PIGL: variants seen among roughly 807,000 people sequenced by gnomAD.
The protein encoded by PIGL is N-acetylglucosaminyl-phosphatidylinositol de-N-acetylase.
PIGL carries 22 observed loss-of-function variants against 31.1 expected under a neutral mutation model. The ratio of observed to expected loss-of-function variants is 0.71; its 90% CI spans 0.51 to 1.01. PIGL has a LOEUF of 1.01. Ranked by LOEUF, PIGL falls within the 50% of genes least tolerant of loss-of-function variation. PIGL has a pLI of 0.00. For synonymous variants in PIGL, 131 were observed against 117.4 expected (o/e 1.12, Z -0.75); for missense variants, 302 against 315.9 (o/e 0.96, Z 0.33).
rs71150288 is a variant in PIGL, at chr17:16,308,792, C to CTTT, written c.427-4739_427-4737dup. Reference sequence around the variant, plus strand: ...ATTTAAAAAAGCCACTGCATCCAGGCTTTTTTTTTTTTTTTTTTCGAGACA... The same window carrying CTTT: ...ATTTAAAAAAGCCACTGCATCCAGGCTTTTTTTTTTTTTTTTTTTTTCGAGACA... On this transcript the variant is annotated intron_variant, in intron 3 of 6. Transcript: ENST00000225609. 3.8e-4 allele frequency among the ~76,000 whole-genome samples: 44 copies of CTTT among 114,408 alleles called. 1 individual carries two copies. Among genetic ancestry groups the CTTT allele is most frequent in the South Asian group, 8.9e-4 (3 of 3,356 alleles). 75.1% of individuals were successfully genotyped at this position (114,408 alleles called of 152,430 possible).
intron 2 of PIGL, among the ~76,000 whole-genome samples, chr17:16,293,307 G>A (rs567048078): frequency 3.3e-5 from 5 of 152,298 alleles, no homozygotes; most frequent in Middle Eastern, 3.4e-3. Context: ...GGTGGATCAC[G>A]AGGTCAGGAG....
chr17:16,260,192 C>A (rs1037273967), intron 2 of PIGL, among the ~76,000 whole-genome samples: 5 of 152,136 alleles, frequency 3.3e-5, no homozygotes, highest in South Asian at 2.1e-4. Flanking sequence ...GCCATGGACA[C>A]TTGGATGGCA....
rs150000731 is a variant in PIGL, at chr17:16,217,230, G to A, written c.4G>A (p.Glu2Lys). The change falls in exon 1 of 7, where the codon GAA becomes AAA. Residue 2 changes from glutamate (E) to lysine (K), a missense_variant. By Grantham distance (56) the Glu-to-Lys change is moderately conservative. Coordinates refer to ENST00000225609, the MANE Select transcript of PIGL (RefSeq NM_004278.4). ...GGCTCAGTGCTGCTTACCCATCATGGAAGCAATGTGGCTCCTGTGTGTGGC... is the reference window on the plus strand; with the variant it reads ...GGCTCAGTGCTGCTTACCCATCATGAAAGCAATGTGGCTCCTGTGTGTGGC... M[E>K]AMWLLCVALA... 1.1e-5 allele frequency: 18 copies of A among 1,613,750 alleles called. No homozygotes were observed. The African/African-American group carries it at 2.4e-4, about 22-fold the overall frequency.
chr17:16,251,164 G>T (rs2092769509), intron 2 of PIGL, among the ~76,000 whole-genome samples: 1 of 152,126 alleles, frequency 6.6e-6, no homozygotes, highest in Non-Finnish European at 1.5e-5. Context: ...GGTGGCTTGT[G>T]CATGTAATCC....
intron 2 of PIGL, among the ~76,000 whole-genome samples, chr17:16,288,412 G>A (rs1246402692): frequency 2.6e-5 from 4 of 152,154 alleles, no homozygotes; most frequent in African/African-American, 7.2e-5. Context: ...TCTCCGTGTT[G>A]GCCAGACTGG....
intron 3 of PIGL, among the ~76,000 whole-genome samples, chr17:16,306,524 T>C (rs1157836322): frequency 7.0e-6 from 1 of 142,772 alleles, no homozygotes; most frequent in African/African-American, 2.6e-5. Flanking sequence ...TATACGATCT[T>C]TTTTTTTTTT....
At chr17:16,217,683 G>A (rs1044080106) in intron 1 of PIGL, 4 of 549,314 alleles carry the variant, frequency 7.3e-6, no homozygotes, top group South Asian at 2.5e-5. Flanking sequence ...CAGGATTGAG[G>A]AGCAGAGAAA....
intron 2 of PIGL, among the ~76,000 whole-genome samples, chr17:16,280,554 C>T (rs1209167080): frequency 6.6e-6 from 1 of 152,138 alleles, no homozygotes; most frequent in African/African-American, 2.4e-5. Context: ...ATAGCCCTTG[C>T]CCCACGCATG....
Position 16,233,920 on chromosome 17 carries a change from T to A in PIGL, c.236-51T>A, listed in dbSNP as rs374835289. On this transcript the variant is annotated intron_variant, in intron 1 of 6. Transcript: ENST00000225609. ...GGATAAGAATGAGTGAATAGATAGG[T>A]CTCCACTGTTAAAAAAAAAAAATCT... 22 of 904,778 alleles carry A rather than the reference T, an allele frequency of 2.4e-5. No homozygotes were observed. The African/African-American group carries it at 3.7e-4, about 15-fold the overall frequency. 56.0% of individuals were successfully genotyped at this position (904,778 alleles called of 1,614,324 possible). A position where few individuals can be genotyped will look rare whatever the true frequency, so the allele number is the denominator to read the frequency against.
At chr17:16,233,198 G>C (rs1473712756) in intron 1 of PIGL, among the ~76,000 whole-genome samples, 3 of 152,068 alleles carry the variant, frequency 2.0e-5, no homozygotes, top group African/African-American at 7.2e-5. Context: ...AATCAGACCT[G>C]CAATTATTTA....
rs760511607 is a variant in PIGL at position 16,217,281 on chromosome 17, C to T, written c.55C>T (p.Leu19Phe). Reference sequence around the variant, plus strand: ...GTTGGCGGTCTTGGCATGGGGCTTCCTCTGGGTTTGGGACTCCTCAGAACG... The same window carrying T: ...GTTGGCGGTCTTGGCATGGGGCTTCTTCTGGGTTTGGGACTCCTCAGAACG... The part of the protein sequence containing the change: ...VALAVLAWGF[L>F]WVWDSSERMK... Residue 19 changes from leucine (L) to phenylalanine (F), a missense_variant, in exon 1 of 7, where the codon CTC becomes TTC. By Grantham distance (22) the Leu-to-Phe change is conservative. Transcript: ENST00000225609. The T allele has an allele frequency of 4.3e-6, 7 of 1,614,166 alleles. No homozygotes were observed. The highest frequency in any genetic ancestry group is 1.1e-5 in the South Asian group (1 of 91,080).
chr17:16,231,175 G>A (rs2092677454), intron 1 of PIGL, among the ~76,000 whole-genome samples: 1 of 146,878 alleles, frequency 6.8e-6, no homozygotes, highest in Non-Finnish European at 1.5e-5. Flanking sequence ...AGTGCTAGGA[G>A]CTGGGATTAC....
At chr17:16,235,752 C>CT (rs35285920) in intron 2 of PIGL, among the ~76,000 whole-genome samples, 41,272 of 111,450 alleles carry the variant, frequency 0.37, 8,981 homozygotes, top group Middle Eastern at 0.5. Context: ...TGTGTCCGGT[C>CT]TTTTTTTTTT....
At chr17:16,280,671 C>T (rs1247368800) in intron 2 of PIGL, among the ~76,000 whole-genome samples, 1 of 152,094 alleles carries the variant, frequency 6.6e-6, no homozygotes, top group African/African-American at 2.4e-5. Context: ...CCATAATTTA[C>T]ATTAGGCATT....
chr17:16,311,400 G>A (rs1223328179), intron 3 of PIGL, among the ~76,000 whole-genome samples: 1 of 133,560 alleles, frequency 7.5e-6, no homozygotes, highest in Admixed American at 7.9e-5. Context: ...CCACAGACAT[G>A]TTATATAACT....
intron 3 of PIGL, among the ~76,000 whole-genome samples, chr17:16,307,813 T>A (rs913343244): frequency 6.6e-6 from 1 of 151,108 alleles, no homozygotes; most frequent in African/African-American, 2.4e-5. Flanking sequence ...CAGAAAGAAA[T>A]TTTTTTAAGT....
At chr17:16,227,159 A>G (rs907208554) in intron 1 of PIGL, among the ~76,000 whole-genome samples, 1 of 150,888 alleles carries the variant, frequency 6.6e-6, no homozygotes, top group African/African-American at 2.4e-5. Flanking sequence ...CCCAGGCTGG[A>G]GTGCAGTGGC....
chr17:16,273,361 G>A (rs1455158741), intron 2 of PIGL, among the ~76,000 whole-genome samples: 1 of 152,208 alleles, frequency 6.6e-6, no homozygotes, highest in East Asian at 1.9e-4. Context: ...GATCAAGTGA[G>A]GGAGCCAGGC....
chr17:16,299,053 C>T (rs116969587), intron 2 of PIGL, among the ~76,000 whole-genome samples: 1 of 150,402 alleles, frequency 6.6e-6, no homozygotes. Context: ...TAAATAAATA[C>T]AAAAATTAGC....
Sources: gnomAD v4.1 joint callset for allele counts (sites outside exome capture counted in the v4.1 genomes callset) on GRCh38, gnomAD v4.1.1 for gene constraint, MANE v1.5 for transcripts, NCBI Gene and HGNC (gene_info 2026-07-23, HGNC 2026-07-21) for gene names.